The following LINGO2 variants were observed in gnomAD, a reference collection of about 807,000 sequenced individuals.
The protein encoded by LINGO2 is leucine rich repeat and Ig domain containing 2, also known as leucine-rich repeat and immunoglobulin-like domain-containing nogo receptor-interacting protein 2.
In LINGO2, 14 loss-of-function variants were observed where a neutral mutation model predicts 30.6. That is an observed-to-expected ratio of 0.46 (90% CI 0.30 to 0.72). The LOEUF is 0.72. LINGO2 is among the 30% of genes least tolerant of loss of function. The probability of loss-of-function intolerance (pLI) is 0.07; values close to 1 mark genes in which losing one functional copy is unlikely to be tolerated. For synonymous variants in LINGO2, 317 were observed against 288.5 expected, an observed-to-expected ratio of 1.10 and a Z score of -1.00; for missense variants, 729 against 751.7, an observed-to-expected ratio of 0.97 and a Z score of 0.35.
chr9:28,468,503 A>T (rs889454461), intron 2 of LINGO2, among the ~76,000 whole-genome samples: 4 of 152,168 alleles, frequency 2.6e-5, no homozygotes, highest in African/African-American at 9.7e-5. Flanking sequence ...GTAAGAGATT[A>T]TTGGGAAATA....
the LINGO2 span, among the ~76,000 whole-genome samples, chr9:28,988,624 T>C: frequency 1.1e-4 from 17 of 152,326 alleles, no homozygotes; most frequent in East Asian, 2.9e-3. Context: ...GATCTAGCCA[T>C]ACAGTTACCC....
intron 4 of LINGO2, among the ~76,000 whole-genome samples, chr9:28,251,145 C>T (rs746811082): frequency 3.9e-5 from 6 of 152,170 alleles, no homozygotes; most frequent in Non-Finnish European, 5.9e-5. Context: ...TTTAGAAAAC[C>T]TCTGTGAATT....
chr9:28,566,196 A>C (rs1041948720), intron 1 of LINGO2, among the ~76,000 whole-genome samples: 5 of 152,144 alleles, frequency 3.3e-5, no homozygotes, highest in Non-Finnish European at 7.3e-5. Flanking sequence ...AGGTTTCTGC[A>C]ACAAAGGGGA....
At chr9:29,058,308 A>T in the LINGO2 span, among the ~76,000 whole-genome samples, 1 of 152,166 alleles carries the variant, frequency 6.6e-6, no homozygotes. Flanking sequence ...AGGAAGTAAA[A>T]ACATCACTGG....
At chr9:28,243,441 C>A (rs9657616) in intron 4 of LINGO2, among the ~76,000 whole-genome samples, 20,183 of 138,148 alleles carry the variant, frequency 0.15, 1,577 homozygotes, top group African/African-American at 0.24. Flanking sequence ...GCCTGTGCGA[C>A]GGAGAAAGAC....
chr9:28,793,752 G>C, the LINGO2 span, among the ~76,000 whole-genome samples: 2 of 152,034 alleles, frequency 1.3e-5, no homozygotes, highest in African/African-American at 4.8e-5. Flanking sequence ...TGTAGTTCTG[G>C]AATCATAGCA....
At chr9:28,249,635 G>C in intron 4 of LINGO2, among the ~76,000 whole-genome samples, 1 of 151,810 alleles carries the variant, frequency 6.6e-6, no homozygotes. Flanking sequence ...GCCCAACCTT[G>C]CAAAAAAAAC....
the LINGO2 span, among the ~76,000 whole-genome samples, chr9:28,761,262 T>C: frequency 6.6e-6 from 1 of 151,922 alleles, no homozygotes; most frequent in African/African-American, 2.4e-5. Context: ...GGTTTAGATC[T>C]TTCTCAAGCA....
intron 2 of LINGO2, among the ~76,000 whole-genome samples, chr9:28,408,774 C>CAAAAAAAAA (rs68142692): frequency 1.6e-5 from 2 of 127,556 alleles, no homozygotes; most frequent in Non-Finnish European, 3.2e-5. Flanking sequence ...TATAAAAAAA[C>CAAAAAAAAA]AAAAAAAAAA....
At chr9:28,898,514 G>A in the LINGO2 span, among the ~76,000 whole-genome samples, 7 of 152,064 alleles carry the variant, frequency 4.6e-5, no homozygotes, top group Non-Finnish European at 7.4e-5. Flanking sequence ...GAGGTTTTCC[G>A]TCAGCCAGAT....
intron 1 of LINGO2, among the ~76,000 whole-genome samples, chr9:28,542,857 A>G (rs1821762390): frequency 6.6e-6 from 1 of 152,170 alleles, no homozygotes; most frequent in East Asian, 1.9e-4. Flanking sequence ...GGAGAACAAC[A>G]TGCCTAAAGC....
intron 5 of LINGO2, among the ~76,000 whole-genome samples, chr9:27,978,582 A>T (rs1263247609): frequency 6.6e-6 from 1 of 152,034 alleles, no homozygotes; most frequent in Admixed American, 6.6e-5. Flanking sequence ...CCTTTAGCAG[A>T]TACCACATAT....
At chr9:29,154,381 C>T in the LINGO2 span, among the ~76,000 whole-genome samples, 15 of 144,224 alleles carry the variant, frequency 1.0e-4, no homozygotes, top group Middle Eastern at 4.0e-3. Flanking sequence ...ACCCGGGAGG[C>T]GGAGCTTGCA....
At chr9:28,464,440 G>A (rs1310647125) in intron 2 of LINGO2, among the ~76,000 whole-genome samples, 2 of 152,066 alleles carry the variant, frequency 1.3e-5, no homozygotes, top group South Asian at 2.1e-4. Flanking sequence ...GGTTGTTTTC[G>A]TTTGCTGTAC....
chr9:29,115,467 T>A, the LINGO2 span, among the ~76,000 whole-genome samples: 1 of 152,038 alleles, frequency 6.6e-6, no homozygotes, highest in Non-Finnish European at 1.5e-5. Context: ...CTCAAATTTC[T>A]GAATTTTATA....
At chr9:28,962,716 A>G in the LINGO2 span, among the ~76,000 whole-genome samples, 1 of 151,802 alleles carries the variant, frequency 6.6e-6, no homozygotes, top group African/African-American at 2.4e-5. Flanking sequence ...TATCATATAT[A>G]CATCTATTAT....
chr9:28,526,021 A>G (rs1298742194), intron 1 of LINGO2, among the ~76,000 whole-genome samples: 2 of 130,580 alleles, frequency 1.5e-5, no homozygotes, highest in Non-Finnish European at 3.1e-5. Flanking sequence ...GCGCCACTGC[A>G]CTCCAGCCTG....
intron 1 of LINGO2, among the ~76,000 whole-genome samples, chr9:28,603,688 A>G (rs1416409336): frequency 6.6e-6 from 1 of 152,086 alleles, no homozygotes; most frequent in African/African-American, 2.4e-5. Context: ...AATTGTCATC[A>G]CAAGATTCAT....
chr9:28,862,764 A>C, the LINGO2 span, among the ~76,000 whole-genome samples: 1 of 152,098 alleles, frequency 6.6e-6, no homozygotes, highest in Non-Finnish European at 1.5e-5. Flanking sequence ...CTTAAATAAG[A>C]CCTACGCTCT....
Sources: allele counts gnomAD v4.1 joint callset (sites outside exome capture counted in the v4.1 genomes callset), GRCh38; gene constraint gnomAD v4.1.1; transcripts MANE v1.5; gene names NCBI Gene and HGNC (gene_info 2026-07-23, HGNC 2026-07-21).